Variants in PARD3B observed in about 807,000 individuals in gnomAD.
PARD3B encodes par-3 family cell polarity regulator beta, also known as partitioning defective 3 homolog B.
PARD3B carries 103 observed loss-of-function variants against 130.2 expected under a neutral mutation model. The observed-to-expected ratio is 0.79, with a 90% CI of 0.67 to 0.93. The LOEUF (loss-of-function observed/expected upper bound fraction) is 0.93, where lower values mean the gene tolerates loss of function less well. Among genes scored for constraint, PARD3B ranks in the 40% least tolerant of loss-of-function variants. The probability of loss-of-function intolerance (pLI) is 0.00; values close to 1 mark genes in which losing one functional copy is unlikely to be tolerated. For missense variants in PARD3B, 1,609 were observed against 1,499.2 expected (o/e 1.07, Z -1.21); for synonymous variants, 583 against 553.2 (o/e 1.05, Z -0.76).
intron 16 of PARD3B, among the ~76,000 whole-genome samples, chr2:205,260,482 A>G (rs1048657040): frequency 2.0e-5 from 3 of 152,060 alleles, no homozygotes; most frequent in African/African-American, 4.8e-5. Flanking sequence ...TTTCTTTATA[A>G]GTTTGGTAAT....
intron 2 of PARD3B, among the ~76,000 whole-genome samples, chr2:204,900,195 T>C (rs1232372178): frequency 6.6e-6 from 1 of 152,170 alleles, no homozygotes; most frequent in African/African-American, 2.4e-5. Flanking sequence ...TTTGAATAAA[T>C]TTTCTATCCC....
chr2:204,848,716 T>C (rs1164472075), intron 2 of PARD3B, among the ~76,000 whole-genome samples: 1 of 151,426 alleles, frequency 6.6e-6, no homozygotes, highest in African/African-American at 2.4e-5. Context: ...ATATATATTT[T>C]AAACATATAT....
chr2:204,799,881 A>T lies in PARD3B; in HGVS notation c.222+113599A>T, dbSNP rs2042504583. 6.6e-6 allele frequency among the ~76,000 whole-genome samples: 1 copy of T among 152,214 alleles called. No homozygotes were observed. Among genetic ancestry groups the T allele is most frequent in the Non-Finnish European group, 1.5e-5 (1 of 68,040 alleles). On this transcript the variant is annotated intron_variant, in intron 2 of 22. Transcript: ENST00000406610. The surrounding 1 kb of genome is among the most constrained non-coding windows in gnomAD (Gnocchi z 4.1). The stretch of plus-strand genomic sequence containing the variant: ...TATATCACAGCATCAGTTCCCTTGG[A>T]ATACTTGGTAAGCCTTCCTAAGAAG...
rs190342657 is a variant in PARD3B at position 204,656,354 on chromosome 2, A to G, written c.121-29827A>G. Among the ~76,000 whole-genome samples, 53 of 140,450 alleles carry G rather than the reference A, an allele frequency of 3.8e-4. 1 individual carries two copies. In the East Asian group the frequency reaches 9.6e-3, roughly 25 times the overall value. The allele number at this position is 140,450 out of a possible 152,430, so 92.1% of individuals were successfully genotyped here. On this transcript the variant is annotated intron_variant, in intron 1 of 22. Transcript: ENST00000406610. Reference sequence around the variant, plus strand: ...GAATACAGATATATGGAAGGTTTACATGATAGAAAACAAACAAACAAACAA... The same window carrying G: ...GAATACAGATATATGGAAGGTTTACGTGATAGAAAACAAACAAACAAACAA...
At chr2:205,223,452 T>C (rs2038352417) in intron 15 of PARD3B, among the ~76,000 whole-genome samples, 1 of 152,146 alleles carries the variant, frequency 6.6e-6, no homozygotes, top group Non-Finnish European at 1.5e-5. Flanking sequence ...AAGCCATAGG[T>C]CCAGGTATGA....
chr2:205,212,949 A>G (rs1041877990), intron 15 of PARD3B, among the ~76,000 whole-genome samples: 4 of 152,148 alleles, frequency 2.6e-5, no homozygotes, highest in Non-Finnish European at 5.9e-5. Flanking sequence ...CAGCAATTCC[A>G]TCGCCATTTT....
At chr2:205,063,310 G>A (rs1024803893) in intron 4 of PARD3B, among the ~76,000 whole-genome samples, 12 of 151,714 alleles carry the variant, frequency 7.9e-5, no homozygotes, top group African/African-American at 2.9e-4. Flanking sequence ...GTACAACTAT[G>A]ATGTACTAAT....
chr2:204,959,966 G>T (rs80026761), intron 2 of PARD3B, among the ~76,000 whole-genome samples: 1 of 152,096 alleles, frequency 6.6e-6, no homozygotes, highest in Admixed American at 6.6e-5. Context: ...CTCAAACAGG[G>T]TTACCCAAAT....
At chr2:205,003,432 C>T (rs1695008059) in intron 3 of PARD3B, among the ~76,000 whole-genome samples, 1 of 152,178 alleles carries the variant, frequency 6.6e-6, no homozygotes, top group African/African-American at 2.4e-5. Flanking sequence ...CCTGTTACTT[C>T]TCTGACCTCA....
At chr2:205,436,103 T>C (rs1366562319) in intron 19 of PARD3B, among the ~76,000 whole-genome samples, 2 of 152,200 alleles carry the variant, frequency 1.3e-5, no homozygotes, top group Non-Finnish European at 2.9e-5. Flanking sequence ...AACAGAACAA[T>C]GGAATAGCAA....
intron 15 of PARD3B, among the ~76,000 whole-genome samples, chr2:205,239,596 A>G (rs201146925): frequency 1.3e-5 from 2 of 152,326 alleles, no homozygotes; most frequent in East Asian, 3.9e-4. Context: ...TATGAAAAGT[A>G]TTGGATTTTC....
intron 11 of PARD3B, among the ~76,000 whole-genome samples, chr2:205,169,800 C>T (rs2035042161): frequency 6.6e-6 from 1 of 152,140 alleles, no homozygotes; most frequent in Non-Finnish European, 1.5e-5. Flanking sequence ...CATCCTAAAA[C>T]GATTTTTAGT....
intron 3 of PARD3B, among the ~76,000 whole-genome samples, chr2:204,994,676 G>A (rs1693991388): frequency 6.6e-6 from 1 of 151,644 alleles, no homozygotes; most frequent in East Asian, 1.9e-4. Context: ...TGTTGACAGT[G>A]GGGTGTTAAA....
intron 3 of PARD3B, among the ~76,000 whole-genome samples, chr2:205,040,479 C>T (rs1698319141): frequency 6.6e-6 from 1 of 152,114 alleles, no homozygotes; most frequent in Non-Finnish European, 1.5e-5. Flanking sequence ...CATATTTTTT[C>T]AAACTCATTC....
At chr2:205,480,663 A>G (rs1350070095) in intron 20 of PARD3B, among the ~76,000 whole-genome samples, 1 of 152,176 alleles carries the variant, frequency 6.6e-6, no homozygotes, top group African/African-American at 2.4e-5. Context: ...TCCTTAGTTC[A>G]TGTGGTAGGC....
chr2:205,601,159 C>T (rs1309180656), intron 22 of PARD3B, among the ~76,000 whole-genome samples: 1 of 152,184 alleles, frequency 6.6e-6, no homozygotes, highest in African/African-American at 2.4e-5. Flanking sequence ...GCCTCGCTGG[C>T]ATCTGTTGTT....
chr2:204,725,707 A>G (rs1178842726), intron 2 of PARD3B, among the ~76,000 whole-genome samples: 1 of 152,204 alleles, frequency 6.6e-6, no homozygotes, highest in Non-Finnish European at 1.5e-5. Context: ...CTATTTAGTA[A>G]ACTGTTGCCT....
intron 20 of PARD3B, among the ~76,000 whole-genome samples, chr2:205,476,077 A>G (rs2049011854): frequency 6.6e-6 from 1 of 152,214 alleles, no homozygotes; most frequent in African/African-American, 2.4e-5. Context: ...TGTCAGATTT[A>G]TTAAATGCTC....
intron 20 of PARD3B, among the ~76,000 whole-genome samples, chr2:205,466,689 T>C (rs2048634315): frequency 6.6e-6 from 1 of 152,226 alleles, no homozygotes. Context: ...TTTACCCTAA[T>C]ATGTGTGGCT....
Sources: allele counts gnomAD v4.1 joint callset (sites outside exome capture counted in the v4.1 genomes callset), GRCh38; gene constraint gnomAD v4.1.1; non-coding constraint Gnocchi (gnomAD v3.1); transcripts MANE v1.5; gene names NCBI Gene and HGNC (gene_info 2026-07-23, HGNC 2026-07-21).